The following TLE3 variants were observed in gnomAD, a reference collection of about 807,000 sequenced individuals.
TLE3 encodes the protein TLE family member 3, transcriptional corepressor.
Under a neutral mutation model 93.0 loss-of-function variants are expected in TLE3, and 14 were observed. That is an observed-to-expected ratio of 0.15 (90% CI 0.10 to 0.24). TLE3 has a LOEUF of 0.24. Among genes scored for constraint, TLE3 ranks in the 10% least tolerant of loss-of-function variants. The pLI is 1.00. For synonymous variants in TLE3, 451 were observed against 425.0 expected (o/e 1.06, Z -0.75); for missense variants, 693 against 1,046.6 (o/e 0.66, Z 4.66).
At chr15:70,094,824 G>C in intron 3 of TLE3, 1 of 504,692 alleles carries the variant, frequency 2.0e-6, no homozygotes, top group Non-Finnish European at 3.6e-6. Context: ...CCTCCCACAA[G>C]CACCACATGT....
intron 6 of TLE3, 113 bp downstream of exon 6, chr15:70,074,420 G>T: frequency 7.5e-7 from 1 of 1,337,268 alleles, no homozygotes; most frequent in Non-Finnish European, 1.0e-6. Flanking sequence ...CGGAGCCCTG[G>T]GGCCGCCATT....
intron 4 of TLE3, among the ~76,000 whole-genome samples, chr15:70,085,161 A>C (rs2057984916): frequency 6.6e-6 from 1 of 152,240 alleles, no homozygotes; most frequent in Non-Finnish European, 1.5e-5. Context: ...CGCAACAGGC[A>C]GGTGTTATTA....
chr15:70,073,883 AG>A (rs535925559), intron 6 of TLE3, among the ~76,000 whole-genome samples: 59 of 152,342 alleles, frequency 3.9e-4, no homozygotes, highest in African/African-American at 1.3e-3. Flanking sequence ...TTTTCCACTA[AG>A]GGGCCAGTCC....
At chr15:70,094,918 T>A (rs2058477213) in intron 3 of TLE3, 1 of 241,528 alleles carries the variant, frequency 4.1e-6, no homozygotes, top group Non-Finnish European at 8.0e-6. Context: ...GAGAGTTATT[T>A]AGCACTGTGT....
intron 14 of TLE3, chr15:70,055,562 T>TAC: frequency 2.6e-6 from 1 of 391,696 alleles, no homozygotes; most frequent in Non-Finnish European, 4.5e-6. Flanking sequence ...TGTCCTGGAA[T>TAC]GCCCTTTCCC....
rs2058639478 is a variant in TLE3, at chr15:70,097,872, G to A, written c.-1074C>T. ...CCACACACAGACAGGCGAAGGGGAC[G>A]AGCACGAGGTCTGAACTGCCGCGAG... On this transcript the variant is annotated 5_prime_UTR_variant, in exon 1 of 20. Transcript: ENST00000451782. The A allele has an allele frequency of 3.1e-6, 1 of 318,234 alleles. No individual in the cohort carries two copies. The highest frequency in any genetic ancestry group is 5.7e-6 in the Non-Finnish European group (1 of 175,320). 19.7% of individuals were successfully genotyped at this position (318,234 alleles called of 1,614,324 possible).
chr15:70,095,675 C>A, intron 2 of TLE3, 34 bp from the exon 3 acceptor site: 1 of 1,550,080 alleles, frequency 6.5e-7, no homozygotes, highest in Non-Finnish European at 8.7e-7. Flanking sequence ...TCAGGCGTGG[C>A]GCCTGGACAG....
At chr15:70,053,100 G>T in intron 17 of TLE3, 127 bp downstream of exon 17, 1 of 1,267,756 alleles carries the variant, frequency 7.9e-7, no homozygotes, top group Non-Finnish European at 1.1e-6. Context: ...AGATGGCTCA[G>T]GTTGGTCCCA....
chr15:70,056,733 C>A (rs373941261), intron 13 of TLE3, among the ~76,000 whole-genome samples: 10 of 152,240 alleles, frequency 6.6e-5, no homozygotes, highest in African/African-American at 2.4e-4. Flanking sequence ...TGAAAAAGGG[C>A]CCCTCTCCCC....
At chr15:70,056,464 T>A in intron 13 of TLE3, 90 bp from the exon 14 acceptor site, 2 of 1,144,384 alleles carry the variant, frequency 1.7e-6, no homozygotes, top group Admixed American at 1.8e-5. Flanking sequence ...GGGTCCTACC[T>A]GCACGGCTCT....
intron 7 of TLE3, 35 bp downstream of exon 7, chr15:70,065,979 G>GCCCCCCCCCCC: frequency 2.8e-6 from 3 of 1,089,102 alleles, no homozygotes; most frequent in Non-Finnish European, 4.2e-6. Context: ...GCCCACCCCT[G>GCCCCCCCCCCC]CCCCGCCCCA....
intron 4 of TLE3, among the ~76,000 whole-genome samples, chr15:70,090,456 C>T (rs1008244095): frequency 2.0e-5 from 3 of 152,198 alleles, no homozygotes; most frequent in Admixed American, 1.3e-4. Flanking sequence ...TCAAGATAGG[C>T]TCAACTCCTT....
At chr15:70,095,122 T>C (rs527558208) in intron 3 of TLE3, among the ~76,000 whole-genome samples, 1 of 152,258 alleles carries the variant, frequency 6.6e-6, no homozygotes, top group East Asian at 1.9e-4. Flanking sequence ...CACAACACCC[T>C]GGGGAAGGAG....
intron 6 of TLE3, among the ~76,000 whole-genome samples, chr15:70,069,210 G>T (rs750188231): frequency 1.6e-4 from 24 of 152,190 alleles, no homozygotes; most frequent in Admixed American, 1.6e-3. Flanking sequence ...TTTGGAAAAG[G>T]TATATGAAGA....
intron 2 of TLE3, 159 bp from the exon 3 acceptor site, chr15:70,095,800 C>G: frequency 1.2e-6 from 1 of 866,268 alleles, no homozygotes. Context: ...GATTTGGGTC[C>G]CCGCCGTGGG....
At chr15:70,079,395 T>C (rs1363921181) in intron 4 of TLE3, 2 of 447,380 alleles carry the variant, frequency 4.5e-6, no homozygotes, top group African/African-American at 4.8e-5. Flanking sequence ...GGGCTGGGCT[T>C]ACGTTGGGAG....
In TLE3 at chr15:70,075,022, T is replaced by C. The variant is rs78254903; in HGVS notation, c.298-415A>G. Among the ~76,000 whole-genome samples, 48 of 152,308 alleles carry C rather than the reference T, an allele frequency of 3.2e-4. 1 individual carries two copies. The East Asian group carries it at 9.3e-3, about 29-fold the overall frequency. ...CCGTTTTTAGGAGATGCAGTTATAG[T>C]AGTTAGTGGTGAATTGTCAGGATAT... On this transcript the variant is annotated intron_variant, in intron 5 of 19. Transcript: ENST00000451782.
intron 6 of TLE3, among the ~76,000 whole-genome samples, chr15:70,070,255 C>T (rs1385570155): frequency 2.0e-5 from 3 of 152,264 alleles, no homozygotes; most frequent in Admixed American, 6.5e-5. Context: ...CACCCATGGC[C>T]TGGCTCAGAA....
Position 70,052,885 on chromosome 15 carries a change from AC to A in TLE3, c.1974+341del, listed in dbSNP as rs1282094332. On this transcript the variant is annotated intron_variant, in intron 17 of 19. Transcript: ENST00000451782. Reference sequence around the variant, plus strand: ...CTTTCTGTGAGTCGGGTTTATGGCTACGCCTTTTAGAGGGATCATTTCAGGT... The same window carrying A: ...CTTTCTGTGAGTCGGGTTTATGGCTAGCCTTTTAGAGGGATCATTTCAGGT... 3 of 317,832 alleles carry A rather than the reference AC, an allele frequency of 9.4e-6. No individual in the cohort carries two copies. In the Admixed American group the frequency reaches 1.4e-4, roughly 14 times the overall value. 19.7% of individuals were successfully genotyped at this position (317,832 alleles called of 1,614,324 possible).
Sources: allele counts gnomAD v4.1 joint callset (sites outside exome capture counted in the v4.1 genomes callset), GRCh38; gene constraint gnomAD v4.1.1; transcripts MANE v1.5; gene names NCBI Gene and HGNC (gene_info 2026-07-23, HGNC 2026-07-21).